The following SGCZ variants were observed in gnomAD, a reference collection of about 807,000 sequenced individuals.
SGCZ encodes sarcoglycan zeta.
Under a neutral mutation model 41.3 loss-of-function variants are expected in SGCZ, and 40 were observed. The ratio of observed to expected loss-of-function variants is 0.97; its 90% CI spans 0.75 to 1.26. SGCZ has a LOEUF of 1.26. SGCZ is among the 50% of genes most tolerant of loss of function. SGCZ has a pLI of 0.00. For synonymous variants in SGCZ, 206 were observed against 137.5 expected (o/e 1.50, Z -3.49); for missense variants, 552 against 369.8 (o/e 1.49, Z -4.04).
At chr8:15,196,829 C>G (rs752331019) in intron 1 of SGCZ, among the ~76,000 whole-genome samples, 2 of 152,156 alleles carry the variant, frequency 1.3e-5, no homozygotes, top group Non-Finnish European at 2.9e-5. Context: ...TGGCTGGGCT[C>G]ACTCATGTAG....
At chr8:14,748,918 G>A (rs1799415716) in intron 1 of SGCZ, among the ~76,000 whole-genome samples, 1 of 151,936 alleles carries the variant, frequency 6.6e-6, no homozygotes, top group African/African-American at 2.4e-5. Context: ...GGAGACTAAG[G>A]TAGATTAAAT....
At chr8:14,657,808 T>C (rs531403086) in intron 1 of SGCZ, among the ~76,000 whole-genome samples, 2 of 152,274 alleles carry the variant, frequency 1.3e-5, no homozygotes, top group South Asian at 4.1e-4. Context: ...TACTGAAATA[T>C]TGAAAACCTA....
intron 2 of SGCZ, among the ~76,000 whole-genome samples, chr8:14,524,780 G>A (rs1321443090): frequency 1.3e-5 from 2 of 152,032 alleles, no homozygotes; most frequent in African/African-American, 4.8e-5. Context: ...CTTCCTGGAA[G>A]CGGAAGTCTG....
At chr8:14,531,715 T>C (rs1803138998) in intron 2 of SGCZ, among the ~76,000 whole-genome samples, 1 of 152,098 alleles carries the variant, frequency 6.6e-6, no homozygotes, top group Non-Finnish European at 1.5e-5. Flanking sequence ...CAAACCTAAA[T>C]GCTGTCTCCT....
chr8:14,323,981 G>C lies in SGCZ; in HGVS notation c.336+122C>G, dbSNP rs1219126583. 8 of 604,428 alleles carry C rather than the reference G, an allele frequency of 1.3e-5. No homozygotes were observed. In the East Asian group the frequency reaches 2.0e-4, roughly 15 times the overall value. 37.4% of individuals were successfully genotyped at this position (604,428 alleles called of 1,614,324 possible). ...TTATCATTTTGATTTCTAAACATAG[G>C]TGTTTAGCTTAAGGAAACTAAACAC... On this transcript the variant is annotated intron_variant, in intron 3 of 7. Coordinates refer to ENST00000382080, the MANE Select transcript of SGCZ (RefSeq NM_139167.4).
In SGCZ at chr8:14,503,446, C is replaced by CA. The variant is rs373670370; in HGVS notation, c.234+51285dup. Among the ~76,000 whole-genome samples, 291 of 152,016 alleles carry CA rather than the reference C, an allele frequency of 1.9e-3. 1 individual carries two copies. The highest frequency in any genetic ancestry group is 2.8e-3 in the Non-Finnish European group (191 of 67,952). Reference sequence around the variant, plus strand: ...GTATCCCAGAACTTAAAGTATAATACAAAAAATGTATAAAAATAAATAACA... The same window carrying CA: ...GTATCCCAGAACTTAAAGTATAATACAAAAAAATGTATAAAAATAAATAACA... On this transcript the variant is annotated intron_variant, in intron 2 of 7. Transcript: ENST00000382080.
At chr8:14,439,562 T>C (rs906433037) in intron 2 of SGCZ, among the ~76,000 whole-genome samples, 1 of 151,746 alleles carries the variant, frequency 6.6e-6, no homozygotes, top group African/African-American at 2.4e-5. Context: ...GAATTCGTAA[T>C]ATATAAAAGA....
intron 2 of SGCZ, among the ~76,000 whole-genome samples, chr8:14,443,899 T>A (rs1346425992): frequency 6.6e-6 from 1 of 152,116 alleles, no homozygotes; most frequent in African/African-American, 2.4e-5. Flanking sequence ...AGAAAATTTT[T>A]GCAACCTACT....
At chr8:14,742,476 G>A (rs2130284332) in intron 1 of SGCZ, among the ~76,000 whole-genome samples, 1 of 152,116 alleles carries the variant, frequency 6.6e-6, no homozygotes, top group Admixed American at 6.6e-5. Flanking sequence ...CCCATTTAGT[G>A]AGCAAAGACA....
chr8:14,883,594 T>G (rs1804674963), intron 1 of SGCZ, among the ~76,000 whole-genome samples: 1 of 152,086 alleles, frequency 6.6e-6, no homozygotes, highest in African/African-American at 2.4e-5. Context: ...TATTTCATTC[T>G]CTTCACTCTT....
intron 2 of SGCZ, among the ~76,000 whole-genome samples, chr8:14,501,127 G>A (rs1271240818): frequency 6.6e-6 from 1 of 151,930 alleles, no homozygotes; most frequent in East Asian, 1.9e-4. Flanking sequence ...GCCTTTTCCA[G>A]CTTCTAGAGA....
intron 3 of SGCZ, among the ~76,000 whole-genome samples, chr8:14,312,888 G>A (rs1028934264): frequency 4.6e-5 from 7 of 152,116 alleles, no homozygotes; most frequent in African/African-American, 1.7e-4. Context: ...ATTAGAGTAA[G>A]TCAAGAATGT....
chr8:14,221,572 G>A (rs974839453), intron 4 of SGCZ, among the ~76,000 whole-genome samples: 3 of 152,184 alleles, frequency 2.0e-5, no homozygotes, highest in East Asian at 1.9e-4. Context: ...TTATATACAT[G>A]GATTGTTTGA....
chr8:15,221,273 C>T (rs1801591843), intron 1 of SGCZ, among the ~76,000 whole-genome samples: 1 of 152,140 alleles, frequency 6.6e-6, no homozygotes, highest in Admixed American at 6.6e-5. Context: ...ATACACTTAA[C>T]TGCAAATGAA....
chr8:14,212,673 T>G (rs999999859), intron 4 of SGCZ, among the ~76,000 whole-genome samples: 2 of 152,020 alleles, frequency 1.3e-5, no homozygotes, highest in African/African-American at 4.8e-5. Flanking sequence ...TGAAAATTAC[T>G]CATCATAGCA....
intron 1 of SGCZ, among the ~76,000 whole-genome samples, chr8:15,231,132 T>C (rs528160390): frequency 1.7e-4 from 26 of 152,338 alleles, no homozygotes; most frequent in Admixed American, 1.6e-3. Context: ...CATTTTAGCG[T>C]GGGGTGACTG....
chr8:14,337,734 T>C lies in SGCZ; in HGVS notation c.235-13530A>G, dbSNP rs1228847633. ...TGCCAATTATCAAGGCCATTAAAAA[T>C]TCTGGGTGAGAATGATACAAGAATC... On this transcript the variant is annotated intron_variant, in intron 2 of 7. Transcript: ENST00000382080. Among the ~76,000 whole-genome samples, 5 of 151,954 alleles carry C rather than the reference T, an allele frequency of 3.3e-5. No individual in the cohort carries two copies. The South Asian group carries it at 8.3e-4, about 25-fold the overall frequency.
At chr8:14,270,236 G>T (rs1037943878) in intron 3 of SGCZ, among the ~76,000 whole-genome samples, 1 of 152,038 alleles carries the variant, frequency 6.6e-6, no homozygotes, top group Admixed American at 6.6e-5. Context: ...GGAGGCTGAG[G>T]CAGGAGAATC....
At chr8:14,724,833 T>G (rs1487519068) in intron 1 of SGCZ, among the ~76,000 whole-genome samples, 1 of 152,192 alleles carries the variant, frequency 6.6e-6, no homozygotes, top group African/African-American at 2.4e-5. Context: ...CATTTATGAT[T>G]TCTTTGTGTC....
Sources: allele counts gnomAD v4.1 joint callset (sites outside exome capture counted in the v4.1 genomes callset), GRCh38; gene constraint gnomAD v4.1.1; transcripts MANE v1.5; gene names NCBI Gene and HGNC (gene_info 2026-07-23, HGNC 2026-07-21).